The following FKBP5 variants were observed in gnomAD, a reference collection of about 807,000 sequenced individuals.
FKBP5 encodes the protein peptidyl-prolyl cis-trans isomerase FKBP5.
Under a neutral mutation model 50.5 loss-of-function variants are expected in FKBP5, and 23 were observed. The ratio of observed to expected loss-of-function variants is 0.46; its 90% CI spans 0.33 to 0.65. The LOEUF (loss-of-function observed/expected upper bound fraction) is 0.65, where lower values mean the gene tolerates loss of function less well. FKBP5 is among the 30% of genes least tolerant of loss of function. The pLI is 0.02. For synonymous variants in FKBP5, 176 were observed against 190.6 expected, an observed-to-expected ratio of 0.92 and a Z score of 0.63; for missense variants, 411 against 553.1, an observed-to-expected ratio of 0.74 and a Z score of 2.58.
chr6:35,645,988 C>T (rs1247227747), intron 1 of FKBP5, among the ~76,000 whole-genome samples: 17 of 152,086 alleles, frequency 1.1e-4, no homozygotes, highest in Admixed American at 1.0e-3. Context: ...TGGTGGCACA[C>T]GCCTGTAATC....
intron 6 of FKBP5, among the ~76,000 whole-genome samples, chr6:35,594,343 G>A (rs961579410): frequency 1.3e-5 from 2 of 152,006 alleles, no homozygotes; most frequent in African/African-American, 2.4e-5. Context: ...ACCCTGTCTC[G>A]GGGGGTGGGG....
chr6:35,646,270 C>T (rs1257778022), intron 1 of FKBP5, among the ~76,000 whole-genome samples: 1 of 152,208 alleles, frequency 6.6e-6, no homozygotes, highest in Non-Finnish European at 1.5e-5. Context: ...ATTAGCTCTT[C>T]ATGTTTTGGC....
chr6:35,632,568 T>C (rs1764192304), intron 3 of FKBP5, among the ~76,000 whole-genome samples: 2 of 151,810 alleles, frequency 1.3e-5, no homozygotes, highest in Middle Eastern at 3.5e-3. Flanking sequence ...TAACCTTAGA[T>C]GAAGAAAGTA....
chr6:35,607,764 A>C lies in FKBP5; in HGVS notation c.509-10360T>G, dbSNP rs753566591. The stretch of plus-strand genomic sequence containing the variant: ...AAGTTCGTGCCGGACATGATCTGAG[A>C]GCTGTGTGGCTTCACCCCATACGAG... On this transcript the variant is annotated intron_variant, in intron 5 of 10. Coordinates refer to ENST00000357266, the MANE Select transcript of FKBP5 (RefSeq NM_004117.4). 5 of 216,276 alleles carry C rather than the reference A, an allele frequency of 2.3e-5. No homozygotes were observed. In the South Asian group the frequency reaches 3.0e-4, roughly 13 times the overall value. 13.4% of individuals were successfully genotyped at this position (216,276 alleles called of 1,614,324 possible).
At chr6:35,614,493 A>G (rs1763583936) in intron 5 of FKBP5, among the ~76,000 whole-genome samples, 1 of 152,142 alleles carries the variant, frequency 6.6e-6, no homozygotes, top group African/African-American at 2.4e-5. Flanking sequence ...ATAATTTGTT[A>G]CAATTGAGTA....
intron 2 of FKBP5, among the ~76,000 whole-genome samples, chr6:35,711,541 C>T (rs1335347605): frequency 6.6e-6 from 1 of 151,812 alleles, no homozygotes; most frequent in Non-Finnish European, 1.5e-5. Context: ...TTGCTCGAAC[C>T]CGGGAGGTGA....
chr6:35,658,369 T>G (rs1765016080), intron 1 of FKBP5, among the ~76,000 whole-genome samples: 1 of 151,494 alleles, frequency 6.6e-6, no homozygotes, highest in Non-Finnish European at 1.5e-5. Context: ...CCGTCTTTTT[T>G]TGAGACTCCG....
intron 3 of FKBP5, among the ~76,000 whole-genome samples, chr6:35,623,838 T>C (rs1470852753): frequency 6.6e-6 from 1 of 151,726 alleles, no homozygotes; most frequent in African/African-American, 2.4e-5. Context: ...TGCCTCTGCC[T>C]CCCTAGTAGC....
In FKBP5 at chr6:35,614,716, C is replaced by A. The variant is rs147368102; in HGVS notation, c.508+4380G>T. On this transcript the variant is annotated intron_variant, in intron 5 of 10. Transcript: ENST00000357266. ...ATGAGTATGCTGTGGAGAATGAGAG[C>A]ATTTTCTCACTTCTGGAGAATGGAG... Among the ~76,000 whole-genome samples the A allele has an allele frequency of 4.3e-3, 655 of 152,234 alleles. 4 individuals are homozygous for A. Among genetic ancestry groups the A allele is most frequent in the African/African-American group, 0.015 (605 of 41,542 alleles).
intron 2 of FKBP5, among the ~76,000 whole-genome samples, chr6:35,639,548 C>T (rs1764418470): frequency 1.3e-5 from 2 of 152,146 alleles, no homozygotes; most frequent in South Asian, 4.1e-4. Flanking sequence ...TAAACAGAGG[C>T]AGGGAGATGC....
Position 35,575,829 on chromosome 6 carries a change from G to T in FKBP5, c.*6C>A. The T allele has an allele frequency of 6.3e-7, 1 of 1,595,436 alleles. No homozygotes were observed. The highest frequency in any genetic ancestry group is 8.6e-7 in the Non-Finnish European group (1 of 1,162,980). On this transcript the variant is annotated 3_prime_UTR_variant, in exon 11 of 11. Transcript: ENST00000357266. Reference sequence around the variant, plus strand: ...TCACTGGGACTCTTCCCTCCTTGGCGTGGCGTCATACGTGGCCCTCAGGTT... The same window carrying T: ...TCACTGGGACTCTTCCCTCCTTGGCTTGGCGTCATACGTGGCCCTCAGGTT...
At chr6:35,670,242 C>T (rs1254983906) in intron 1 of FKBP5, among the ~76,000 whole-genome samples, 2 of 151,942 alleles carry the variant, frequency 1.3e-5, no homozygotes, top group African/African-American at 4.8e-5. Flanking sequence ...TCATGATTCA[C>T]GATTCACTTT....
At chr6:35,687,313 T>C (rs557589635) in intron 1 of FKBP5, among the ~76,000 whole-genome samples, 1 of 152,310 alleles carries the variant, frequency 6.6e-6, no homozygotes, top group South Asian at 2.1e-4. Context: ...GGGCCATAAT[T>C]GCAGACTGTC....
At chr6:35,615,546 A>T (rs548669118) in intron 5 of FKBP5, among the ~76,000 whole-genome samples, 8 of 152,238 alleles carry the variant, frequency 5.3e-5, no homozygotes, top group African/African-American at 1.9e-4. Flanking sequence ...AACAAAATAA[A>T]TAAGAATAGT....
rs145521372 is a variant in FKBP5 at position 35,668,484 on chromosome 6, A to C, written c.-20+20320T>G. ...ATTGATTATAATTAAGTGACATGTA[A>C]TACAGCTAAAAATCCTTTTAAAAAC... On this transcript the variant is annotated intron_variant, in intron 1 of 10. Coordinates refer to ENST00000357266, the MANE Select transcript of FKBP5 (RefSeq NM_004117.4). 4.9e-4 allele frequency among the ~76,000 whole-genome samples: 74 copies of C among 152,378 alleles called. 1 individual carries two copies. The East Asian group carries it at 0.014, about 28-fold the overall frequency.
chr6:35,688,007 GTT>G (rs1389113809), intron 1 of FKBP5, among the ~76,000 whole-genome samples: 1 of 152,256 alleles, frequency 6.6e-6, no homozygotes, highest in Non-Finnish European at 1.5e-5. Context: ...GGCGGAAGAC[GTT>G]TTCACGTCCC....
chr6:35,605,559 G>C (rs1157091218), intron 5 of FKBP5, among the ~76,000 whole-genome samples: 2 of 151,602 alleles, frequency 1.3e-5, no homozygotes, highest in Non-Finnish European at 2.9e-5. Context: ...ACTATGTGTG[G>C]CTAATTTTTT....
chr6:35,703,446 G>A (rs1207506491), intron 2 of FKBP5, among the ~76,000 whole-genome samples: 1 of 152,042 alleles, frequency 6.6e-6, no homozygotes, highest in East Asian at 1.9e-4. Context: ...CCAACACATA[G>A]AAATGATACT....
intron 8 of FKBP5, 129 bp from the exon 9 acceptor site, chr6:35,580,350 A>G (rs1307938363): frequency 4.0e-5 from 30 of 755,164 alleles, no homozygotes; most frequent in Non-Finnish European, 6.6e-5. Flanking sequence ...CCTTCTGGAG[A>G]TGGCTCTCCA....
Sources: gnomAD v4.1 joint callset for allele counts (sites outside exome capture counted in the v4.1 genomes callset) on GRCh38, gnomAD v4.1.1 for gene constraint, MANE v1.5 for transcripts, NCBI Gene and HGNC (gene_info 2026-07-23, HGNC 2026-07-21) for gene names.